Variants in MLXIP observed in about 807,000 individuals in gnomAD.
MLXIP encodes the protein MLX interacting protein.
In MLXIP, 30 loss-of-function variants were observed where a neutral mutation model predicts 87.2. That is an observed-to-expected ratio of 0.34 (90% CI 0.26 to 0.47). The LOEUF is 0.47. Among genes scored for constraint, MLXIP ranks in the 20% least tolerant of loss-of-function variants. MLXIP has a pLI of 1.00. For synonymous variants in MLXIP, 530 were observed against 514.0 expected, an observed-to-expected ratio of 1.03 and a Z score of -0.42; for missense variants, 1,002 against 1,240.1, an observed-to-expected ratio of 0.81 and a Z score of 2.88.
chr12:122,110,038 G>A (rs1952580193), intron 1 of MLXIP, among the ~76,000 whole-genome samples: 1 of 151,866 alleles, frequency 6.6e-6, no homozygotes, highest in Non-Finnish European at 1.5e-5. Context: ...TATTCTTTAG[G>A]GCCAGGAACT....
At chr12:122,125,107 C>T (rs975918054) in intron 1 of MLXIP, among the ~76,000 whole-genome samples, 4 of 152,102 alleles carry the variant, frequency 2.6e-5, no homozygotes, top group South Asian at 2.1e-4. Context: ...CAGAGGTTGC[C>T]GTGAGCTGAG....
At chr12:122,141,230 G>C in intron 16 of MLXIP, 147 bp downstream of exon 16, 1 of 1,191,752 alleles carries the variant, frequency 8.4e-7, no homozygotes, top group Non-Finnish European at 1.1e-6. Flanking sequence ...GAGGTCCTCA[G>C]TCAGGAGCGC....
intron 1 of MLXIP, among the ~76,000 whole-genome samples, chr12:122,124,323 T>C (rs570944592): frequency 6.3e-5 from 1 of 15,826 alleles, no homozygotes; most frequent in Non-Finnish European, 1.2e-4. Flanking sequence ...TCCTCAGCCG[T>C]CCCCCCACCC....
chr12:122,081,993 A>G (rs531172101), intron 1 of MLXIP, among the ~76,000 whole-genome samples: 10 of 152,300 alleles, frequency 6.6e-5, no homozygotes, highest in Admixed American at 2.0e-4. Flanking sequence ...ATGAGGTTCA[A>G]CAGCTCTCTG....
chr12:122,132,688 C>T (rs1953001948), intron 8 of MLXIP: 1 of 322,146 alleles, frequency 3.1e-6, no homozygotes, highest in African/African-American at 2.1e-5. Context: ...AGAAGAAAAA[C>T]ATGGATTACT....
intron 1 of MLXIP, among the ~76,000 whole-genome samples, chr12:122,083,396 G>A (rs1052413374): frequency 6.6e-6 from 1 of 151,992 alleles, no homozygotes; most frequent in African/African-American, 2.4e-5. Flanking sequence ...CTCCACGAAT[G>A]CTTTGTATAG....
chr12:122,142,115 G>A lies in MLXIP; in HGVS notation c.*303G>A. The stretch of plus-strand genomic sequence containing the variant: ...GGGAAGTGCTGGCCGTGCTGGTCCT[G>A]CCCTGCTGGTGGCCTGCCGGGCCTG... On this transcript the variant is annotated 3_prime_UTR_variant, in exon 17 of 17. Coordinates refer to ENST00000319080, the MANE Select transcript of MLXIP (RefSeq NM_014938.6). The A allele has an allele frequency of 1.4e-6, 1 of 702,080 alleles. No individual in the cohort carries two copies. The highest frequency in any genetic ancestry group is 2.6e-6 in the Non-Finnish European group (1 of 385,814). The allele number at this position is 702,080 out of a possible 1,614,324, so 43.5% of individuals were successfully genotyped here.
At position 122,100,060 on chromosome 12, in the gene MLXIP, GT is replaced by G. The variant is rs1394771948; in HGVS notation, c.413+20804del. Among the ~76,000 whole-genome samples, 8 of 150,008 alleles carry G rather than the reference GT, an allele frequency of 5.3e-5. No homozygotes were observed. The East Asian group carries it at 7.8e-4, about 15-fold the overall frequency. ...CTGCCCCAGACAGCCAAGTTCAAGT[GT>G]TTTTTTTTTCTCAAAGATGGAGCTG... On this transcript the variant is annotated intron_variant, in intron 1 of 16. Coordinates refer to ENST00000319080, the MANE Select transcript of MLXIP (RefSeq NM_014938.6).
At chr12:122,079,892 G>C (rs1020343658) in intron 1 of MLXIP, among the ~76,000 whole-genome samples, 2 of 152,192 alleles carry the variant, frequency 1.3e-5, no homozygotes, top group African/African-American at 4.8e-5. Context: ...GAGGGCTTTG[G>C]GTGCCTCCTA....
At chr12:122,096,549 C>T (rs904570652) in intron 1 of MLXIP, among the ~76,000 whole-genome samples, 1 of 152,216 alleles carries the variant, frequency 6.6e-6, no homozygotes, top group Non-Finnish European at 1.5e-5. Context: ...GTCCCACCCT[C>T]CCAGGACAGG....
chr12:122,122,624 C>T (rs1216283176), intron 1 of MLXIP, among the ~76,000 whole-genome samples: 1 of 151,998 alleles, frequency 6.6e-6, no homozygotes, highest in East Asian at 1.9e-4. Flanking sequence ...TCACTGTACT[C>T]TCCGCCTCCC....
intron 1 of MLXIP, among the ~76,000 whole-genome samples, chr12:122,083,557 G>A (rs1383543523): frequency 2.6e-5 from 4 of 152,112 alleles, no homozygotes; most frequent in Admixed American, 6.6e-5. Context: ...AAGGATTACA[G>A]GCATGCACCA....
intron 16 of MLXIP, 161 bp from the exon 17 acceptor site, chr12:122,141,530 A>C: frequency 1.3e-6 from 1 of 741,496 alleles, no homozygotes; most frequent in Non-Finnish European, 1.6e-6. Flanking sequence ...GTGAGTGCCC[A>C]GGTCTCGGTG....
chr12:122,118,845 CAA>C (rs34776887), intron 1 of MLXIP, among the ~76,000 whole-genome samples: 2 of 135,252 alleles, frequency 1.5e-5, no homozygotes, highest in East Asian at 4.3e-4. Context: ...ACTCCCATCT[CAA>C]AAAAAAAAAA....
At chr12:122,107,394 C>G (rs2135936257) in intron 1 of MLXIP, among the ~76,000 whole-genome samples, 1 of 152,280 alleles carries the variant, frequency 6.6e-6, no homozygotes, top group African/African-American at 2.4e-5. Flanking sequence ...TCAGCATCCC[C>G]CCACAGTCGT....
intron 1 of MLXIP, among the ~76,000 whole-genome samples, chr12:122,100,031 G>A (rs1952414178): frequency 6.6e-6 from 1 of 152,108 alleles, no homozygotes; most frequent in African/African-American, 2.4e-5. Flanking sequence ...AACATGTCAG[G>A]TCTCTGCCCC....
intron 1 of MLXIP, among the ~76,000 whole-genome samples, chr12:122,102,307 A>G (rs1375700751): frequency 6.6e-6 from 1 of 152,236 alleles, no homozygotes; most frequent in Non-Finnish European, 1.5e-5. Context: ...TCCAAAGAAG[A>G]TACACAAATG....
chr12:122,088,468 A>G (rs1952199710), intron 1 of MLXIP, among the ~76,000 whole-genome samples: 1 of 152,190 alleles, frequency 6.6e-6, no homozygotes, highest in South Asian at 2.1e-4. Context: ...AAAGAATTCT[A>G]GGAAGAGGAT....
intron 1 of MLXIP, among the ~76,000 whole-genome samples, chr12:122,114,593 G>C (rs1326802195): frequency 6.6e-6 from 1 of 152,156 alleles, no homozygotes; most frequent in Non-Finnish European, 1.5e-5. Context: ...TTGTAAGTCA[G>C]ATTGGTAACT....
Sources: gnomAD v4.1 joint callset for allele counts (sites outside exome capture counted in the v4.1 genomes callset) on GRCh38, gnomAD v4.1.1 for gene constraint, MANE v1.5 for transcripts, NCBI Gene and HGNC (gene_info 2026-07-23, HGNC 2026-07-21) for gene names.